CATSPERE: variants seen among roughly 807,000 people sequenced by gnomAD.
The protein encoded by CATSPERE is catsper channel auxiliary subunit epsilon.
Under a neutral mutation model 114.1 loss-of-function variants are expected in CATSPERE, and 93 were observed. The ratio of observed to expected loss-of-function variants is 0.81; its 90% confidence interval spans 0.69 to 0.97. The LOEUF is 0.97. CATSPERE is among the 50% of genes least tolerant of loss of function. The pLI is 0.00. For missense variants in CATSPERE, 1,058 were observed against 1,131.6 expected (o/e 0.93, Z 0.93); for synonymous variants, 341 against 384.1 (o/e 0.89, Z 1.31).
rs138412917 is a variant in CATSPERE, at chr1:244,583,458, G to C, written c.2010-406G>C. Among the ~76,000 whole-genome samples the C allele has an allele frequency of 1.3e-3, 199 of 152,170 alleles. 2 individuals are homozygous for C. Among genetic ancestry groups the C allele is most frequent in the African/African-American group, 4.6e-3 (189 of 41,536 alleles). On this transcript the variant is annotated intron_variant, in intron 12 of 21. Coordinates refer to ENST00000366534, the MANE Select transcript of CATSPERE (RefSeq NM_001130957.2). ...TATTGTCCAAAGGTGCTATCAATAC[G>C]AGGGGAAAACGGGTAGGAGCCAGAG... is the stretch of plus-strand genomic sequence containing the variant.
At chr1:244,518,785 C>T in intron 8 of CATSPERE, 87 bp downstream of exon 8, 1 of 667,776 alleles carries the variant, frequency 1.5e-6, no homozygotes, top group East Asian at 3.2e-5. Flanking sequence ...TGAAATGTGT[C>T]TTATATGTTA....
intron 3 of CATSPERE, 43 bp downstream of exon 3, chr1:244,477,657 T>A (rs745785028): frequency 1.6e-6 from 2 of 1,250,384 alleles, no homozygotes; most frequent in South Asian, 2.6e-5. Context: ...GTATATTTTT[T>A]AATTCATTCA....
chr1:244,476,707 G>T (rs2148143992), intron 2 of CATSPERE, among the ~76,000 whole-genome samples: 1 of 152,248 alleles, frequency 6.6e-6, no homozygotes, highest in Admixed American at 6.5e-5. Context: ...CTGAAGAAGA[G>T]GATCAGTGTT....
chr1:244,579,386 TA>T (rs1665833497), intron 11 of CATSPERE, among the ~76,000 whole-genome samples: 1 of 152,260 alleles, frequency 6.6e-6, no homozygotes, highest in African/African-American at 2.4e-5. Flanking sequence ...GATCTGTATA[TA>T]TTTTATGGTA....
intron 20 of CATSPERE, among the ~76,000 whole-genome samples, chr1:244,627,684 C>T (rs574584923): frequency 1.3e-5 from 2 of 152,238 alleles, no homozygotes; most frequent in East Asian, 3.9e-4. Flanking sequence ...GTTGAGCAAG[C>T]CTGTTGGTGC....
chr1:244,604,333 A>G (rs1459970978), intron 17 of CATSPERE, among the ~76,000 whole-genome samples: 2 of 152,268 alleles, frequency 1.3e-5, no homozygotes, highest in Non-Finnish European at 2.9e-5. Context: ...TAGGATGGAA[A>G]GAAAATAACT....
rs901827803 is a variant in CATSPERE, at chr1:244,633,116, T to G, written c.2649-2373T>G. ...ACCTTTAAAACAGCTTCAAAATACA[T>G]GAAACAAAAACGGATAGAACTAAAC... On this transcript the variant is annotated intron_variant, in intron 20 of 21. Transcript: ENST00000366534. This position sits in a 1 kb window ranked among gnomAD's most constrained non-coding sequence, Gnocchi z 4.1. Among the ~76,000 whole-genome samples the G allele has an allele frequency of 1.3e-5, 2 of 152,086 alleles. No homozygotes were observed. Among genetic ancestry groups the G allele is most frequent in the African/African-American group, 4.8e-5 (2 of 41,404 alleles).
At chr1:244,499,638 C>A (rs1673701985) in intron 7 of CATSPERE, among the ~76,000 whole-genome samples, 1 of 152,086 alleles carries the variant, frequency 6.6e-6, no homozygotes, top group Non-Finnish European at 1.5e-5. Context: ...ATGATGGTTT[C>A]CAGTTTCATC....
chr1:244,629,503 CTTTTTTTTT>C (rs369560104), intron 20 of CATSPERE, among the ~76,000 whole-genome samples: 2 of 82,300 alleles, frequency 2.4e-5, no homozygotes, highest in Non-Finnish European at 4.5e-5. Context: ...TCTCTCTTAC[CTTTTTTTTT>C]TTTTTTTTTT....
intron 2 of CATSPERE, among the ~76,000 whole-genome samples, chr1:244,465,989 A>G (rs965950442): frequency 6.6e-6 from 1 of 152,244 alleles, no homozygotes; most frequent in Admixed American, 6.5e-5. Context: ...TTAACTAAGT[A>G]TTCATTGGTT....
In CATSPERE at chr1:244,588,393, A is replaced by C. The variant is rs74513469; in HGVS notation, c.2086-89A>C. ...CTACATTTTACAAGTTATTATTTTA[A>C]ATCTAAAATGCAATTGGTTTTAGCT... On this transcript the variant is annotated intron_variant, in intron 13 of 21. Coordinates refer to ENST00000366534, the MANE Select transcript of CATSPERE (RefSeq NM_001130957.2). The C allele has an allele frequency of 8.2e-3, 7,688 of 940,154 alleles. 118 individuals are homozygous for C. The highest frequency in any genetic ancestry group is 0.012 in the South Asian group (888 of 75,510). The allele number at this position is 940,154 out of a possible 1,614,324, so 58.2% of individuals were successfully genotyped here. A position where few individuals can be genotyped will look rare whatever the true frequency, so the allele number is the denominator to read the frequency against.
chr1:244,617,434 A>T, intron 19 of CATSPERE, 95 bp from the exon 20 acceptor site: 1 of 965,552 alleles, frequency 1.0e-6, no homozygotes, highest in East Asian at 2.8e-5. Flanking sequence ...TAGCCATTAC[A>T]TCTCTAAATA....
intron 21 of CATSPERE, among the ~76,000 whole-genome samples, chr1:244,639,603 T>C (rs903824091): frequency 1.3e-5 from 2 of 150,850 alleles, no homozygotes; most frequent in African/African-American, 4.9e-5. Context: ...AGCAGGAGAA[T>C]GGTTTGAACC....
At chr1:244,539,381 T>C (rs1336885755) in intron 8 of CATSPERE, among the ~76,000 whole-genome samples, 1 of 128,666 alleles carries the variant, frequency 7.8e-6, no homozygotes, top group East Asian at 2.4e-4. Context: ...TTGCCAGTAT[T>C]TTATTGAGGA....
rs3006039 is a variant in CATSPERE at position 244,515,444 on chromosome 1, T to C, written c.430-3148T>C. Reference sequence around the variant, plus strand: ...TGGTTTGAAGTGCTTCTCAGACAACTGGAAGTCACGATTAATAATCTAATT... The same window carrying C: ...TGGTTTGAAGTGCTTCTCAGACAACCGGAAGTCACGATTAATAATCTAATT... On this transcript the variant is annotated intron_variant, in intron 7 of 21. Coordinates refer to ENST00000366534, the MANE Select transcript of CATSPERE (RefSeq NM_001130957.2). 1,206 of 331,850 alleles carry C rather than the reference T, an allele frequency of 3.6e-3. 14 individuals carry two copies. The highest frequency in any genetic ancestry group is 0.025 in the African/African-American group (1,107 of 44,784). The allele number at this position is 331,850 out of a possible 1,614,324, so 20.6% of individuals were successfully genotyped here.
chr1:244,513,131 G>A (rs1178510944), intron 7 of CATSPERE, among the ~76,000 whole-genome samples: 4 of 152,084 alleles, frequency 2.6e-5, no homozygotes, highest in Non-Finnish European at 5.9e-5. Context: ...CAGGCCCCTT[G>A]GCAGCATTCA....
intron 18 of CATSPERE, 115 bp from the exon 19 acceptor site, chr1:244,610,125 A>G: frequency 1.5e-6 from 1 of 654,524 alleles, no homozygotes; most frequent in East Asian, 2.8e-5. Context: ...CAACATTTAA[A>G]TAATGTAAGT....
At chr1:244,514,706 G>T (rs1025292557) in intron 7 of CATSPERE, among the ~76,000 whole-genome samples, 3 of 151,832 alleles carry the variant, frequency 2.0e-5, no homozygotes, top group Non-Finnish European at 4.4e-5. Context: ...GCAGGCACCT[G>T]TAGTCCCAGC....
At chr1:244,506,023 A>G (rs569055313) in intron 7 of CATSPERE, among the ~76,000 whole-genome samples, 19 of 152,242 alleles carry the variant, frequency 1.2e-4, no homozygotes, top group Non-Finnish European at 1.9e-4. Flanking sequence ...AAAAACAAAA[A>G]CAAAACAAAA....
Sources: gnomAD v4.1 joint callset for allele counts (sites outside exome capture counted in the v4.1 genomes callset) on GRCh38, gnomAD v4.1.1 for gene constraint, Gnocchi (gnomAD v3.1) non-coding constraint, MANE v1.5 for transcripts, NCBI Gene and HGNC (gene_info 2026-07-23, HGNC 2026-07-21) for gene names.